GNAO1: variants seen among roughly 807,000 people sequenced by gnomAD.
GNAO1 encodes the protein guanine nucleotide-binding protein G(o) subunit alpha.
For missense variants in GNAO1, 166 were observed against 478.7 expected, an observed-to-expected ratio of 0.35 and a Z score of 6.10; for synonymous variants, 164 against 180.7, an observed-to-expected ratio of 0.91 and a Z score of 0.74.
intron 3 of GNAO1, chr16:56,307,744 G>A (rs2037411963): frequency 6.6e-6 from 1 of 152,244 alleles, no homozygotes; most frequent in African/African-American, 2.4e-5. Flanking sequence ...AGACACCATG[G>A]TGTCTGTCTT....
rs561897428 is a variant in GNAO1, at chr16:56,221,481, C to T, written c.161+28865C>T. Among the ~76,000 whole-genome samples, 9 of 152,076 alleles carry T rather than the reference C, an allele frequency of 5.9e-5. No individual in the cohort carries two copies. In the South Asian group the frequency reaches 1.9e-3, roughly 32 times the overall value. Reference sequence around the variant, plus strand: ...CCTGGCCAACATGGTGAAACCCCATCTCTACTAAAAATACAAAAATTAGCT... The same window carrying T: ...CCTGGCCAACATGGTGAAACCCCATTTCTACTAAAAATACAAAAATTAGCT... On this transcript the variant is annotated intron_variant, in intron 2 of 8. Transcript: ENST00000262493.
chr16:56,272,243 A>G (rs576269473), intron 2 of GNAO1, among the ~76,000 whole-genome samples: 42 of 152,252 alleles, frequency 2.8e-4, no homozygotes, highest in African/African-American at 1.0e-3. Context: ...AAGGAGGCAG[A>G]GCTTGCAGTG....
chr16:56,229,952 T>C (rs1224655333), intron 2 of GNAO1, among the ~76,000 whole-genome samples: 1 of 152,174 alleles, frequency 6.6e-6, no homozygotes, highest in African/African-American at 2.4e-5. Context: ...GGGCATCGCC[T>C]GTAGCAGTCC....
At chr16:56,305,615 C>T (rs1456201220) in intron 3 of GNAO1, among the ~76,000 whole-genome samples, 1 of 152,154 alleles carries the variant, frequency 6.6e-6, no homozygotes, top group South Asian at 2.1e-4. Flanking sequence ...CTTGACCCCA[C>T]ATGGCCTTGT....
chr16:56,302,756 C>T (rs2037357567), intron 3 of GNAO1: 1 of 152,226 alleles, frequency 6.6e-6, no homozygotes, highest in Admixed American at 6.5e-5. Flanking sequence ...GAGCTGCTGC[C>T]GTGTTGCCAA....
chr16:56,260,978 C>T (rs1486794640), intron 2 of GNAO1, among the ~76,000 whole-genome samples: 4 of 152,122 alleles, frequency 2.6e-5, no homozygotes, highest in Non-Finnish European at 1.5e-5. Flanking sequence ...AAAGGGGTGG[C>T]GCAGAGGGAA....
chr16:56,348,455 C>A (rs1325241125), intron 6 of GNAO1, among the ~76,000 whole-genome samples: 1 of 152,252 alleles, frequency 6.6e-6, no homozygotes, highest in Admixed American at 6.5e-5. Context: ...GCCACCTGGA[C>A]ACTGCTGTGG....
chr16:56,348,186 TGCCC>T, intron 6 of GNAO1: 1 of 984,338 alleles, frequency 1.0e-6, no homozygotes, highest in Non-Finnish European at 1.2e-6. Flanking sequence ...TAATAAAAAG[TGCCC>T]GCTTTCCTAG....
intron 2 of GNAO1, among the ~76,000 whole-genome samples, chr16:56,267,616 C>T (rs1385350357): frequency 1.3e-5 from 2 of 152,152 alleles, no homozygotes; most frequent in East Asian, 1.9e-4. Flanking sequence ...CCTGAGAGGC[C>T]GGTCCCACCC....
chr16:56,307,823 A>G (rs756547468), intron 3 of GNAO1: 2 of 152,246 alleles, frequency 1.3e-5, no homozygotes, highest in Non-Finnish European at 1.5e-5. Flanking sequence ...CATAGGAAGG[A>G]TGGTGAGATG....
rs886552522 is a variant in GNAO1, at chr16:56,311,111, G to A, written c.304-17520G>A. On this transcript the variant is annotated intron_variant, in intron 3 of 8. Coordinates refer to ENST00000262493, the MANE Select transcript of GNAO1 (RefSeq NM_020988.3). The surrounding 1 kb of genome is among the most constrained non-coding windows in gnomAD (Gnocchi z 5.2). ...TCTAAGCCTTACAACCTGCAGAAAG[G>A]AACTCCTTTTTTCTAATTGTACCGG... Among the ~76,000 whole-genome samples, 7 of 151,240 alleles carry A rather than the reference G, an allele frequency of 4.6e-5. No individual in the cohort carries two copies. The highest frequency in any genetic ancestry group is 1.7e-4 in the African/African-American group (7 of 41,056).
chr16:56,283,706 G>A (rs2037135972), intron 3 of GNAO1, among the ~76,000 whole-genome samples: 1 of 152,128 alleles, frequency 6.6e-6, no homozygotes, highest in Non-Finnish European at 1.5e-5. Flanking sequence ...ACGAGGGCTG[G>A]AGGATGTAAT....
Position 56,285,245 on chromosome 16 carries a change from A to C in GNAO1, c.303+9173A>C, listed in dbSNP as rs1033701535. 2.6e-5 allele frequency among the ~76,000 whole-genome samples: 4 copies of C among 152,100 alleles called. No homozygotes were observed. In the East Asian group the frequency reaches 5.8e-4, roughly 22 times the overall value. On this transcript the variant is annotated intron_variant, in intron 3 of 8. Coordinates refer to ENST00000262493, the MANE Select transcript of GNAO1 (RefSeq NM_020988.3). ...GCTCTCTTTCTGTCTTTCACACTCC[A>C]ACCCCGCCCCCCACCGCCACCATAA... is the stretch of plus-strand genomic sequence containing the variant.
At chr16:56,197,145 A>G (rs2036240301) in intron 2 of GNAO1, among the ~76,000 whole-genome samples, 1 of 152,254 alleles carries the variant, frequency 6.6e-6, no homozygotes. Context: ...ATGGAGGTGA[A>G]TAGCAACCTA....
chr16:56,338,861 C>T (rs1258252387), intron 6 of GNAO1, among the ~76,000 whole-genome samples: 1 of 152,230 alleles, frequency 6.6e-6, no homozygotes, highest in Non-Finnish European at 1.5e-5. Context: ...GGCCTTGCTG[C>T]CTGGAGCACT....
rs1489044741 is a variant in GNAO1, at chr16:56,356,308, A to G, written c.*234A>G. The G allele has an allele frequency of 2.0e-5, 3 of 152,672 alleles. No individual in the cohort carries two copies. The highest frequency in any genetic ancestry group is 4.4e-5 in the Non-Finnish European group (3 of 68,046). 9.5% of individuals were successfully genotyped at this position (152,672 alleles called of 1,614,324 possible). A position where few individuals can be genotyped will look rare whatever the true frequency, so the allele number is the denominator to read the frequency against. On this transcript the variant is annotated 3_prime_UTR_variant, in exon 9 of 9. Coordinates refer to ENST00000262493, the MANE Select transcript of GNAO1 (RefSeq NM_020988.3). ...TAGAATTTGAAAGGAAAAACAGAAC[A>G]TTTCTCATGTGCTTTGTAGCTTAAA...
intron 2 of GNAO1, among the ~76,000 whole-genome samples, chr16:56,198,931 G>A (rs1336031058): frequency 2.6e-5 from 4 of 152,172 alleles, no homozygotes; most frequent in African/African-American, 9.7e-5. Flanking sequence ...TTTTGATGGC[G>A]CAGCTGCTTC....
intron 3 of GNAO1, among the ~76,000 whole-genome samples, chr16:56,314,365 G>A (rs1427845968): frequency 2.0e-5 from 3 of 152,132 alleles, no homozygotes; most frequent in African/African-American, 7.2e-5. Context: ...TGCCGCTCAG[G>A]CTTTTCAAGG....
At chr16:56,302,120 C>T (rs1200540513) in intron 3 of GNAO1, 1 of 152,514 alleles carries the variant, frequency 6.6e-6, no homozygotes, top group Non-Finnish European at 1.5e-5. Flanking sequence ...CACTGTCACC[C>T]TCTCCCCACT....
Sources: allele counts gnomAD v4.1 joint callset (sites outside exome capture counted in the v4.1 genomes callset), GRCh38; gene constraint gnomAD v4.1.1; non-coding constraint Gnocchi (gnomAD v3.1); transcripts MANE v1.5; gene names NCBI Gene and HGNC (gene_info 2026-07-23, HGNC 2026-07-21).